Variants in ISL1 observed in about 807,000 individuals in gnomAD.
The protein encoded by ISL1 is ISL LIM homeobox 1, also known as insulin gene enhancer protein ISL-1.
Under a neutral mutation model 35.3 loss-of-function variants are expected in ISL1, and 4 were observed. That is an observed-to-expected ratio of 0.11 (90% confidence interval 0.06 to 0.26). The LOEUF (loss-of-function observed/expected upper bound fraction) is 0.26, where lower values mean the gene tolerates loss of function less well. Among genes scored for constraint, ISL1 ranks in the 10% least tolerant of loss-of-function variants. ISL1 has a pLI of 1.00. For missense variants in ISL1, 340 were observed against 472.8 expected, an observed-to-expected ratio of 0.72 and a Z score of 2.60; for synonymous variants, 186 against 172.3, an observed-to-expected ratio of 1.08 and a Z score of -0.62.
chr5:51,390,637 T>C lies in ISL1; in HGVS notation c.766-637T>C, dbSNP rs868710185. ...TTTCTTCCTTTTTTTCTTTTCTTTC[T>C]TTTTCTTTTTTTTTTTTTTTTTTTT... On this transcript the variant is annotated intron_variant, in intron 4 of 5. Coordinates refer to ENST00000230658, the MANE Select transcript of ISL1 (RefSeq NM_002202.3). Among the ~76,000 whole-genome samples, 174 of 42,052 alleles carry C rather than the reference T, an allele frequency of 4.1e-3. 6 individuals carry two copies. Among genetic ancestry groups the C allele is most frequent in the African/African-American group, 0.03 (172 of 5,650 alleles). The allele number at this position is 42,052 out of a possible 152,430, so 27.6% of individuals were successfully genotyped here.
intron 5 of ISL1, among the ~76,000 whole-genome samples, chr5:51,392,056 A>G (rs1264290434): frequency 6.6e-6 from 1 of 152,158 alleles, no homozygotes; most frequent in Non-Finnish European, 1.5e-5. Context: ...AAAATGTAGG[A>G]CCGTTTAAAT....
rs1337351567 is a variant in ISL1 at position 51,389,344 on chromosome 5, C to T, written c.479-302C>T. On this transcript the variant is annotated intron_variant, in intron 3 of 5. Transcript: ENST00000230658. The surrounding 1 kb of genome is among the most constrained non-coding windows in gnomAD (Gnocchi z 5.0). ...TTTGAGACCTGCTTCCCTTGGCTAA[C>T]ACTTTGTTGACACGAGGAGGGGCGA... Among the ~76,000 whole-genome samples, 10 of 152,158 alleles carry T rather than the reference C, an allele frequency of 6.6e-5. No individual in the cohort carries two copies. The highest frequency in any genetic ancestry group is 5.9e-4 in the Admixed American group (9 of 15,278).
At chr5:51,383,846 A>G in intron 1 of ISL1, 147 bp downstream of exon 1, 1 of 742,574 alleles carries the variant, frequency 1.3e-6, no homozygotes. Context: ...TGTTGCCGCC[A>G]CGCCTGCATG....
chr5:51,390,870 T>A (rs1425402372), intron 4 of ISL1, among the ~76,000 whole-genome samples: 1 of 150,920 alleles, frequency 6.6e-6, no homozygotes, highest in Non-Finnish European at 1.5e-5. Context: ...TTGGAAAAAA[T>A]CTGCAGCTAA....
Position 51,389,594 on chromosome 5 carries a change from G to A in ISL1, c.479-52G>A. The A allele has an allele frequency of 7.0e-7, 1 of 1,437,228 alleles. No homozygotes were observed. The highest frequency in any genetic ancestry group is 9.1e-7 in the Non-Finnish European group (1 of 1,100,692). The allele number at this position is 1,437,228 out of a possible 1,614,324, so 89.0% of individuals were successfully genotyped here. A position where few individuals can be genotyped will look rare whatever the true frequency, so the allele number is the denominator to read the frequency against. On this transcript the variant is annotated intron_variant, in intron 3 of 5. Coordinates refer to ENST00000230658, the MANE Select transcript of ISL1 (RefSeq NM_002202.3). The surrounding 1 kb of genome is among the most constrained non-coding windows in gnomAD (Gnocchi z 5.0). ...GCGAGCGAGCGCGCGACCGCGGGCGGGCCGGCAAGCGAGCCTCCAGCCCAG... is the reference window on the plus strand; with the variant it reads ...GCGAGCGAGCGCGCGACCGCGGGCGAGCCGGCAAGCGAGCCTCCAGCCCAG...
intron 5 of ISL1, 27 bp downstream of exon 5, chr5:51,391,468 G>C (rs1430259824): frequency 3.1e-6 from 5 of 1,613,004 alleles, no homozygotes; most frequent in Non-Finnish European, 4.2e-6. Flanking sequence ...AGATGGAAGA[G>C]GCTGAATTCC....
chr5:51,388,255 A>AT (rs1392055654), intron 3 of ISL1, among the ~76,000 whole-genome samples: 10 of 152,038 alleles, frequency 6.6e-5, no homozygotes, highest in African/African-American at 1.4e-4. Context: ...TTTTTTTTTA[A>AT]TTTTTTTATC....
Position 51,389,548 on chromosome 5 carries a change from GGCGGGCGGGCAAGCGAGCGAGCGAGCGA to G in ISL1, c.479-94_479-67del. On this transcript the variant is annotated intron_variant, in intron 3 of 5. Transcript: ENST00000230658. The surrounding 1 kb of genome is among the most constrained non-coding windows in gnomAD (Gnocchi z 5.0). ...GGGCGGGCGAGCAAGTAAGCGGGCGGGCGGGCGGGCAAGCGAGCGAGCGAGCGAGCGCGCGACCGCGGGCGGGCCGGCA... is the reference window on the plus strand; with the variant it reads ...GGGCGGGCGAGCAAGTAAGCGGGCGGGCGCGCGACCGCGGGCGGGCCGGCA... The G allele has an allele frequency of 8.8e-7, 1 of 1,131,690 alleles. No homozygotes were observed. Among genetic ancestry groups the G allele is most frequent in the East Asian group, 3.2e-5 (1 of 31,400 alleles). The allele number at this position is 1,131,690 out of a possible 1,614,324, so 70.1% of individuals were successfully genotyped here.
intron 4 of ISL1, among the ~76,000 whole-genome samples, chr5:51,390,320 A>G (rs1479672071): frequency 6.6e-6 from 1 of 152,114 alleles, no homozygotes; most frequent in East Asian, 1.9e-4. Flanking sequence ...TCACGTACAC[A>G]AGAAGAGGGA....
chr5:51,390,334 A>G (rs1747463215), intron 4 of ISL1, among the ~76,000 whole-genome samples: 1 of 152,158 alleles, frequency 6.6e-6, no homozygotes, highest in South Asian at 2.1e-4. Context: ...AGAGGGAGGG[A>G]TAATACCTTG....
At chr5:51,390,057 C>A in intron 4 of ISL1, 125 bp downstream of exon 4, 1 of 1,173,474 alleles carries the variant, frequency 8.5e-7, no homozygotes, top group Non-Finnish European at 1.2e-6. Context: ...TTGGCCGGGG[C>A]TGCCCCTCAT....
At position 51,387,443 on chromosome 5, in the gene ISL1, T is replaced by C; in HGVS notation, c.219-47T>C. ...CTGAAGTGACCCCCTCTTCCTGTAC[T>C]TCTCTCCCCGCTCTGGGCCGCCTCC... is the stretch of plus-strand genomic sequence containing the variant. On this transcript the variant is annotated intron_variant, in intron 2 of 5. Coordinates refer to ENST00000230658, the MANE Select transcript of ISL1 (RefSeq NM_002202.3). The surrounding 1 kb of genome is among the most constrained non-coding windows in gnomAD (Gnocchi z 4.3). 6.2e-7 allele frequency: 1 copy of C among 1,608,002 alleles called. No individual in the cohort carries two copies. Among genetic ancestry groups the C allele is most frequent in the Middle Eastern group, 1.7e-4 (1 of 5,944 alleles).
At chr5:51,385,336 A>G (rs1329405108) in intron 2 of ISL1, among the ~76,000 whole-genome samples, 3 of 152,234 alleles carry the variant, frequency 2.0e-5, no homozygotes, top group African/African-American at 7.2e-5. Context: ...TAATCTTTTT[A>G]AATATTAACC....
intron 1 of ISL1, among the ~76,000 whole-genome samples, chr5:51,384,248 G>T (rs555668063): frequency 2.7e-5 from 4 of 147,332 alleles, no homozygotes; most frequent in South Asian, 2.3e-4. Flanking sequence ...GAGGAAGGGG[G>T]GGGGGAGAAA....
In ISL1 at chr5:51,387,538, C is replaced by T. The variant is rs201853354; in HGVS notation, c.267C>T (p.Asn89=). 1.2e-6 allele frequency: 2 copies of T among 1,614,192 alleles called. No individual in the cohort carries two copies. Among genetic ancestry groups the T allele is most frequent in the African/African-American group, 1.3e-5 (1 of 75,060 alleles). The stretch of plus-strand genomic sequence containing the variant: ...AGTGCAGCATCGGCTTCAGCAAGAA[C>T]GACTTCGTGATGCGTGCCCGCTCCA... The part of the protein sequence containing the change: ...CAKCSIGFSK[N]DFVMRARSKV... The change falls in exon 3 of 6, where the codon AAC becomes AAT. Residue 89 remains asparagine (N), a synonymous_variant. Coordinates refer to ENST00000230658, the MANE Select transcript of ISL1 (RefSeq NM_002202.3). This position sits in a 1 kb window ranked among gnomAD's most constrained non-coding sequence, Gnocchi z 4.3.
intron 4 of ISL1, 83 bp from the exon 5 acceptor site, chr5:51,391,191 A>T (rs1747505161): frequency 7.4e-7 from 1 of 1,351,282 alleles, no homozygotes; most frequent in South Asian, 1.3e-5. Context: ...ATACCAGGGT[A>T]TATTTGCTTA....
intron 4 of ISL1, 123 bp downstream of exon 4, chr5:51,390,055 G>T: frequency 1.7e-6 from 2 of 1,192,648 alleles, no homozygotes; most frequent in Non-Finnish European, 1.2e-6. Flanking sequence ...GTTTGGCCGG[G>T]GCTGCCCCTC....
rs140893072 is a variant in ISL1 at position 51,391,000 on chromosome 5, G to C, written c.766-274G>C. On this transcript the variant is annotated intron_variant, in intron 4 of 5. Coordinates refer to ENST00000230658, the MANE Select transcript of ISL1 (RefSeq NM_002202.3). ...CAGAGGGGAGGAATTGGGCTGAGCT[G>C]TGAAGGTAAGGGGGAAGAAGAAAAT... 7.7e-3 allele frequency among the ~76,000 whole-genome samples: 1,174 copies of C among 152,124 alleles called. 26 individuals carry two copies. Among genetic ancestry groups the C allele is most frequent in the African/African-American group, 0.027 (1,109 of 41,486 alleles).
rs767131210 is a variant in ISL1 at position 51,387,453 on chromosome 5, G to T, written c.219-37G>T. ...CCCCTCTTCCTGTACTTCTCTCCCCGCTCTGGGCCGCCTCCGCTCCCCCCT... is the reference window on the plus strand; with the variant it reads ...CCCCTCTTCCTGTACTTCTCTCCCCTCTCTGGGCCGCCTCCGCTCCCCCCT... On this transcript the variant is annotated intron_variant, in intron 2 of 5. Coordinates refer to ENST00000230658, the MANE Select transcript of ISL1 (RefSeq NM_002202.3). The surrounding 1 kb of genome is among the most constrained non-coding windows in gnomAD (Gnocchi z 4.3). 3 of 1,611,456 alleles carry T rather than the reference G, an allele frequency of 1.9e-6. No homozygotes were observed. Among genetic ancestry groups the T allele is most frequent in the South Asian group, 1.1e-5 (1 of 90,542 alleles).
Sources: gnomAD v4.1 joint callset for allele counts (sites outside exome capture counted in the v4.1 genomes callset) on GRCh38, gnomAD v4.1.1 for gene constraint, Gnocchi (gnomAD v3.1) non-coding constraint, MANE v1.5 for transcripts, NCBI Gene and HGNC (gene_info 2026-07-23, HGNC 2026-07-21) for gene names.